The following RGS5 variants were observed in gnomAD, a reference collection of about 807,000 sequenced individuals.
RGS5 encodes the protein regulator of G-protein signalling 5.
RGS5 carries 20 observed loss-of-function variants against 18.9 expected under a neutral mutation model. The observed-to-expected ratio is 1.06, with a 90% confidence interval of 0.74 to 1.54. The LOEUF (loss-of-function observed/expected upper bound fraction) is 1.54, where lower values mean the gene tolerates loss of function less well. Ranked by LOEUF, RGS5 falls within the 40% of genes most tolerant of loss-of-function variation. RGS5 has a pLI of 0.00. For synonymous variants in RGS5, 57 were observed against 76.2 expected, an observed-to-expected ratio of 0.75 and a Z score of 1.31; for missense variants, 201 against 211.8, an observed-to-expected ratio of 0.95 and a Z score of 0.32.
At chr1:163,292,065 C>T (rs1365309588) in intron 2 of RGS5, among the ~76,000 whole-genome samples, 1 of 152,010 alleles carries the variant, frequency 6.6e-6, no homozygotes, top group Non-Finnish European at 1.5e-5. Flanking sequence ...AGCCTTGTTA[C>T]ACAGGTAAAC....
chr1:163,301,664 G>C (rs1325152890), intron 2 of RGS5, among the ~76,000 whole-genome samples: 3 of 152,086 alleles, frequency 2.0e-5, no homozygotes, highest in Admixed American at 6.6e-5. Flanking sequence ...AAAAAAATGA[G>C]CCTATTACTG....
intron 2 of RGS5, among the ~76,000 whole-genome samples, chr1:163,277,184 A>T (rs1648879420): frequency 1.3e-5 from 2 of 152,172 alleles, no homozygotes; most frequent in African/African-American, 2.4e-5. Flanking sequence ...ACCAACTGCC[A>T]ATCAGAAAAT....
chr1:163,171,340 CA>C (rs1658287565), intron 1 of RGS5, among the ~76,000 whole-genome samples: 1 of 152,146 alleles, frequency 6.6e-6, no homozygotes, highest in East Asian at 1.9e-4. Flanking sequence ...GTATCCCACC[CA>C]GTCCGTGAAA....
chr1:163,302,697 T>C (rs1270049063), intron 2 of RGS5, among the ~76,000 whole-genome samples: 1 of 152,192 alleles, frequency 6.6e-6, no homozygotes. Flanking sequence ...TCAAACCAAA[T>C]GACTAGCTGT....
chr1:163,232,769 G>A (rs547725364), intron 2 of RGS5, among the ~76,000 whole-genome samples: 7 of 152,276 alleles, frequency 4.6e-5, no homozygotes, highest in African/African-American at 1.7e-4. Context: ...TCAGAAAAGA[G>A]AGAATTCTAC....
chr1:163,267,783 C>CT (rs201014151), intron 2 of RGS5, among the ~76,000 whole-genome samples: 78 of 151,644 alleles, frequency 5.1e-4, no homozygotes, highest in Non-Finnish European at 4.3e-4. Flanking sequence ...ATTTTCTGAA[C>CT]TTTTTTTTTC....
At chr1:163,187,331 G>T (rs1659132686) in intron 1 of RGS5, among the ~76,000 whole-genome samples, 1 of 152,156 alleles carries the variant, frequency 6.6e-6, no homozygotes, top group Non-Finnish European at 1.5e-5. Flanking sequence ...TGGCCCCCTA[G>T]TCACATATAG....
intron 2 of RGS5, among the ~76,000 whole-genome samples, chr1:163,288,050 C>T (rs1009150164): frequency 8.6e-5 from 13 of 151,852 alleles, no homozygotes; most frequent in African/African-American, 1.9e-4. Context: ...AGCCAGAAAA[C>T]GTATTAATTT....
intron 3 of RGS5, among the ~76,000 whole-genome samples, chr1:163,160,586 G>T (rs780806555): frequency 6.6e-6 from 1 of 152,170 alleles, no homozygotes; most frequent in Non-Finnish European, 1.5e-5. Flanking sequence ...AGACTGTGGG[G>T]TTCTGTCTCC....
At chr1:163,200,320 G>A (rs1659728381) in intron 1 of RGS5, among the ~76,000 whole-genome samples, 1 of 152,096 alleles carries the variant, frequency 6.6e-6, no homozygotes, top group Admixed American at 6.6e-5. Context: ...CTTCAGCAGA[G>A]CTTTTCATTT....
intron 1 of RGS5, among the ~76,000 whole-genome samples, chr1:163,174,841 T>C (rs1032452783): frequency 1.3e-5 from 2 of 152,154 alleles, no homozygotes; most frequent in Admixed American, 6.5e-5. Context: ...ACGCCAGACA[T>C]ATGTCAGGAA....
At chr1:163,169,846 A>G (rs867243784) in intron 1 of RGS5, among the ~76,000 whole-genome samples, 3 of 152,108 alleles carry the variant, frequency 2.0e-5, no homozygotes, top group African/African-American at 7.2e-5. Context: ...ATTGTTCTCT[A>G]TGGCTGTCAG....
At chr1:163,310,899 C>A (rs1490769640) in intron 1 of RGS5, among the ~76,000 whole-genome samples, 4 of 152,166 alleles carry the variant, frequency 2.6e-5, no homozygotes, top group African/African-American at 9.7e-5. Context: ...AAGGCACCTT[C>A]TTCACAAGGC....
chr1:163,223,411 C>T (rs969138510), intron 2 of RGS5, among the ~76,000 whole-genome samples: 8 of 152,102 alleles, frequency 5.3e-5, no homozygotes, highest in Admixed American at 1.3e-4. Flanking sequence ...TGCTGCTGCT[C>T]CTCCCACTAA....
At chr1:163,221,424 AGGC>A (rs1212847866), upstream of RGS5, among the ~76,000 whole-genome samples, 2 of 152,142 alleles carry the variant, frequency 1.3e-5, no homozygotes, top group Non-Finnish European at 2.9e-5. Context: ...TTGAACCAGT[AGGC>A]AGAGGCTGCA....
intron 1 of RGS5, among the ~76,000 whole-genome samples, chr1:163,169,092 T>G (rs1658187316): frequency 6.7e-6 from 1 of 149,622 alleles, no homozygotes. Context: ...AATTCCCACC[T>G]ATGAGTGAGA....
chr1:163,208,347 C>CAAAA lies in RGS5; in HGVS notation c.69+9175_69+9178dup, dbSNP rs55848330. Among the ~76,000 whole-genome samples the CAAAA allele has an allele frequency of 8.5e-3, 320 of 37,744 alleles. 14 individuals are homozygous for CAAAA. Among genetic ancestry groups the CAAAA allele is most frequent in the Non-Finnish European group, 0.013 (230 of 17,472 alleles). 24.8% of individuals were successfully genotyped at this position (37,744 alleles called of 152,430 possible). A position where few individuals can be genotyped will look rare whatever the true frequency, so the allele number is the denominator to read the frequency against. ...TGAGCGACAGAGCGAGACTCCGTCT[C>CAAAA]AAAAAAAAAAAAAAAAAAAAAAAAG... is the stretch of plus-strand genomic sequence containing the variant. On this transcript the variant is annotated intron_variant, in intron 1 of 5. Transcript: ENST00000367903.
intron 2 of RGS5, among the ~76,000 whole-genome samples, chr1:163,278,647 T>C (rs375063464): frequency 6.6e-6 from 1 of 151,866 alleles, no homozygotes; most frequent in African/African-American, 2.4e-5. Flanking sequence ...AAGAAATATA[T>C]CAAACAATTA....
At chr1:163,242,031 T>A (rs1020405951) in intron 2 of RGS5, among the ~76,000 whole-genome samples, 1 of 152,238 alleles carries the variant, frequency 6.6e-6, no homozygotes. Context: ...CAGCTAGCAC[T>A]GGAATAAAGG....
Sources: gnomAD v4.1 joint callset for allele counts (sites outside exome capture counted in the v4.1 genomes callset) on GRCh38, gnomAD v4.1.1 for gene constraint, MANE v1.5 for transcripts, NCBI Gene and HGNC (gene_info 2026-07-23, HGNC 2026-07-21) for gene names.